The following PHF21B variants were observed in gnomAD, a reference collection of about 807,000 sequenced individuals.
PHF21B encodes PHD finger protein 4.
Under a neutral mutation model 62.2 loss-of-function variants are expected in PHF21B, and 22 were observed. That is an observed-to-expected ratio of 0.35 (90% confidence interval 0.25 to 0.51). The LOEUF is 0.51. Ranked by LOEUF, PHF21B falls within the 20% of genes least tolerant of loss-of-function variation. PHF21B has a pLI of 0.97. For missense variants in PHF21B, 701 were observed against 707.9 expected, an observed-to-expected ratio of 0.99 and a Z score of 0.11; for synonymous variants, 341 against 314.7, an observed-to-expected ratio of 1.08 and a Z score of -0.88.
At chr22:44,999,069 A>G (rs1413180455) in intron 2 of PHF21B, among the ~76,000 whole-genome samples, 1 of 152,252 alleles carries the variant, frequency 6.6e-6, no homozygotes, top group Non-Finnish European at 1.5e-5. Flanking sequence ...AAAACCGTAT[A>G]GTACGGCCCA....
At chr22:45,005,752 G>A (rs955371600) in intron 2 of PHF21B, among the ~76,000 whole-genome samples, 7 of 152,064 alleles carry the variant, frequency 4.6e-5, no homozygotes, top group Admixed American at 2.6e-4. Flanking sequence ...CTTTATATCC[G>A]ATGTTCCAGC....
At chr22:44,987,361 C>T (rs1382665339) in intron 2 of PHF21B, among the ~76,000 whole-genome samples, 1 of 152,160 alleles carries the variant, frequency 6.6e-6, no homozygotes, top group Non-Finnish European at 1.5e-5. Flanking sequence ...AAGCCAGCAG[C>T]AGAAGGTAAC....
chr22:44,885,012 G>A (rs1034960065), intron 12 of PHF21B, among the ~76,000 whole-genome samples: 1 of 152,242 alleles, frequency 6.6e-6, no homozygotes, highest in Non-Finnish European at 1.5e-5. Context: ...CCCTGCCAAG[G>A]GGCCTGAGCA....
intron 2 of PHF21B, among the ~76,000 whole-genome samples, chr22:44,927,951 T>G (rs1420642677): frequency 1.3e-5 from 2 of 152,026 alleles, no homozygotes; most frequent in Non-Finnish European, 2.9e-5. Flanking sequence ...CATGGCTGAG[T>G]CTGGGGCGGG....
chr22:44,996,861 C>A (rs925088133), intron 2 of PHF21B, among the ~76,000 whole-genome samples: 13 of 152,158 alleles, frequency 8.5e-5, no homozygotes, highest in African/African-American at 2.9e-4. Context: ...CACACACACA[C>A]ATGCATACAT....
chr22:44,891,975 G>A (rs987016633), intron 7 of PHF21B, among the ~76,000 whole-genome samples: 3 of 152,168 alleles, frequency 2.0e-5, no homozygotes, highest in Admixed American at 6.5e-5. Flanking sequence ...CTGTGGACCT[G>A]GGGAAGGGCC....
At chr22:45,007,156 C>T (rs2073330944) in intron 2 of PHF21B, among the ~76,000 whole-genome samples, 1 of 150,620 alleles carries the variant, frequency 6.6e-6, no homozygotes, top group Admixed American at 6.6e-5. Context: ...CCCAAGCCTT[C>T]GGTCCAGCCC....
chr22:44,911,483 T>TA lies in PHF21B; in HGVS notation c.831+2338dup, dbSNP rs374413509. On this transcript the variant is annotated intron_variant, in intron 5 of 12. Coordinates refer to ENST00000313237, the MANE Select transcript of PHF21B (RefSeq NM_138415.5). The stretch of plus-strand genomic sequence containing the variant: ...CTCTGCTGTGTGCAGTCTAGGGACT[T>TA]AGTGCCCTGTGTCCCAGCCACTCCA... Among the ~76,000 whole-genome samples the TA allele has an allele frequency of 1.1e-3, 166 of 152,246 alleles. 1 individual carries two copies. The highest frequency in any genetic ancestry group is 3.7e-3 in the African/African-American group (152 of 41,536).
intron 2 of PHF21B, among the ~76,000 whole-genome samples, chr22:44,961,656 C>G (rs2072423272): frequency 6.6e-6 from 1 of 151,984 alleles, no homozygotes; most frequent in Non-Finnish European, 1.5e-5. Flanking sequence ...GCCTGGTCAA[C>G]ATGGTGAAAC....
At chr22:44,937,360 G>A (rs1051732288) in intron 2 of PHF21B, among the ~76,000 whole-genome samples, 8 of 152,318 alleles carry the variant, frequency 5.3e-5, no homozygotes, top group Admixed American at 1.3e-4. Context: ...ACAGCCAGGC[G>A]GCCACCAGGT....
chr22:44,997,429 A>T (rs566809815), intron 2 of PHF21B, among the ~76,000 whole-genome samples: 92 of 152,176 alleles, frequency 6.0e-4, no homozygotes, highest in African/African-American at 2.2e-3. Flanking sequence ...AGGGAGGTGG[A>T]CGTGGGCAAT....
At chr22:44,943,959 A>G (rs1174970181) in intron 2 of PHF21B, among the ~76,000 whole-genome samples, 1 of 152,204 alleles carries the variant, frequency 6.6e-6, no homozygotes, top group Admixed American at 6.5e-5. Context: ...AAATGTCTTC[A>G]GCCCTTTGGA....
At chr22:44,972,938 C>CA (rs2072667048) in intron 2 of PHF21B, among the ~76,000 whole-genome samples, 1 of 152,182 alleles carries the variant, frequency 6.6e-6, no homozygotes, top group Admixed American at 6.5e-5. Flanking sequence ...GCAGGGCGCT[C>CA]AGAGATGAGG....
intron 2 of PHF21B, among the ~76,000 whole-genome samples, chr22:44,998,301 C>T (rs1385898670): frequency 6.6e-6 from 1 of 152,234 alleles, no homozygotes; most frequent in East Asian, 1.9e-4. Flanking sequence ...GACGCAGCAA[C>T]TCTCACACAC....
intron 2 of PHF21B, among the ~76,000 whole-genome samples, chr22:44,935,011 T>A (rs947688351): frequency 3.9e-5 from 6 of 152,128 alleles, no homozygotes; most frequent in African/African-American, 1.4e-4. Context: ...CCAGAAGAAG[T>A]TCCCAGGGCC....
intron 4 of PHF21B, among the ~76,000 whole-genome samples, chr22:44,914,687 G>A (rs1424808636): frequency 2.0e-5 from 3 of 152,190 alleles, no homozygotes; most frequent in Non-Finnish European, 4.4e-5. Context: ...TCACTGCCAT[G>A]AGGCCCCTCA....
rs2070765074 is a variant in PHF21B, at chr22:44,883,007, T to C, written c.*79A>G. On this transcript the variant is annotated 3_prime_UTR_variant, in exon 13 of 13. Transcript: ENST00000313237. ...GTCTGAAATTCATAGTGTTTATGAA[T>C]TAAGGCCGACAGAACCCCCAGGCTG... The C allele has an allele frequency of 2.1e-6, 3 of 1,437,570 alleles. No individual in the cohort carries two copies. Among genetic ancestry groups the C allele is most frequent in the Non-Finnish European group, 1.9e-6 (2 of 1,068,740 alleles). 89.1% of individuals were successfully genotyped at this position (1,437,570 alleles called of 1,614,324 possible).
intron 2 of PHF21B, among the ~76,000 whole-genome samples, chr22:44,945,069 C>T (rs751972669): frequency 6.6e-6 from 1 of 151,574 alleles, no homozygotes; most frequent in African/African-American, 2.4e-5. Flanking sequence ...TGCCTGTTTC[C>T]CGTATTAATT....
In PHF21B at chr22:44,893,461, G is replaced by C; in HGVS notation, c.956C>G (p.Thr319Ser). 1 of 1,596,542 alleles carries C rather than the reference G, an allele frequency of 6.3e-7. No homozygotes were observed. Among genetic ancestry groups the C allele is most frequent in the Non-Finnish European group, 8.5e-7 (1 of 1,171,950 alleles). Residue 319 changes from threonine (T) to serine (S), a missense_variant, in exon 7 of 13, where the codon ACC (threonine) becomes AGC (serine). Coordinates refer to ENST00000313237, the MANE Select transcript of PHF21B (RefSeq NM_138415.5). ...TGGGGCTGGCGGGTTCCCCACCTCGGTCTCCAGGAGGCCGCTGTAGGCAGG... is the reference window on the plus strand; with the variant it reads ...TGGGGCTGGCGGGTTCCCCACCTCGCTCTCCAGGAGGCCGCTGTAGGCAGG... Reference protein sequence around the residue: ...ANPAYSGLLETERKRLASNYL... With the variant: ...ANPAYSGLLESERKRLASNYL...
Sources: gnomAD v4.1 joint callset for allele counts (sites outside exome capture counted in the v4.1 genomes callset) on GRCh38, gnomAD v4.1.1 for gene constraint, MANE v1.5 for transcripts, NCBI Gene and HGNC (gene_info 2026-07-23, HGNC 2026-07-21) for gene names.